The following SS18L1 variants were observed in gnomAD, a reference collection of about 807,000 sequenced individuals.
The protein encoded by SS18L1 is calcium-responsive transactivator.
In SS18L1, 32 loss-of-function variants were observed where a neutral mutation model predicts 70.3. That is an observed-to-expected ratio of 0.46 (90% CI 0.34 to 0.61). The LOEUF (loss-of-function observed/expected upper bound fraction) is 0.61, where lower values mean the gene tolerates loss of function less well. Among genes scored for constraint, SS18L1 ranks in the 20% least tolerant of loss-of-function variants. The pLI is 0.01. For missense variants in SS18L1, 430 were observed against 542.1 expected (o/e 0.79, Z 2.05); for synonymous variants, 237 against 229.7 (o/e 1.03, Z -0.29).
At chr20:62,144,383 C>T (rs1324332717) in intron 1 of SS18L1, among the ~76,000 whole-genome samples, 2 of 152,208 alleles carry the variant, frequency 1.3e-5, no homozygotes, top group Non-Finnish European at 2.9e-5. Flanking sequence ...CCGGGTCGGC[C>T]TCCGGGCGCA....
At chr20:62,155,520 C>T (rs1039810150) in intron 1 of SS18L1, among the ~76,000 whole-genome samples, 1 of 152,292 alleles carries the variant, frequency 6.6e-6, no homozygotes, top group East Asian at 1.9e-4. Flanking sequence ...AGGTGGGGGC[C>T]GCACCGCTGT....
chr20:62,146,700 C>G (rs887078239), intron 1 of SS18L1, among the ~76,000 whole-genome samples: 1 of 150,978 alleles, frequency 6.6e-6, no homozygotes, highest in African/African-American at 2.4e-5. Flanking sequence ...CTCCGCGCCC[C>G]CGCCCACGTT....
In SS18L1 at chr20:62,159,166, T is replaced by A. The variant is rs1387262035; in HGVS notation, c.146+418T>A. On this transcript the variant is annotated intron_variant, in intron 2 of 10. Transcript: ENST00000331758. The surrounding 1 kb of genome is among the most constrained non-coding windows in gnomAD (Gnocchi z 4.4). ...GTGTGGGGAGGCCTGGGCCAGCCTC[T>A]CTGGGCAGCTCTGTGGCCAACAGCC... Among the ~76,000 whole-genome samples, 1 of 152,174 alleles carries A rather than the reference T, an allele frequency of 6.6e-6. No homozygotes were observed. Among genetic ancestry groups the A allele is most frequent in the East Asian group, 1.9e-4 (1 of 5,188 alleles).
intron 7 of SS18L1, 21 bp from the exon 8 acceptor site, chr20:62,165,401 C>T (rs1004336740): frequency 8.7e-6 from 14 of 1,603,314 alleles, no homozygotes; most frequent in African/African-American, 2.7e-5. Context: ...CGCTGACTGT[C>T]GCCGTCTCCG....
chr20:62,148,829 G>A (rs1043592195), intron 1 of SS18L1, among the ~76,000 whole-genome samples: 5 of 152,234 alleles, frequency 3.3e-5, no homozygotes, highest in East Asian at 3.8e-4. Flanking sequence ...CAGCCTGGAG[G>A]GTGAGGACGC....
chr20:62,178,578 C>T (rs2057661375), intron 10 of SS18L1, among the ~76,000 whole-genome samples: 1 of 152,132 alleles, frequency 6.6e-6, no homozygotes, highest in Admixed American at 6.6e-5. Flanking sequence ...GTTTTTGAAA[C>T]AGGGTCTCAC....
chr20:62,161,589 G>C lies in SS18L1; in HGVS notation c.376+9G>C, dbSNP rs760556483. 3.8e-6 allele frequency: 6 copies of C among 1,599,104 alleles called. No individual in the cohort carries two copies. Among genetic ancestry groups the C allele is most frequent in the Non-Finnish European group, 5.1e-6 (6 of 1,168,888 alleles). ...GGGCCAGATTGGCAACGGTGAGTGCGGCGGGGGAGGAGGACGTTCCTGGCT... is the reference window on the plus strand; with the variant it reads ...GGGCCAGATTGGCAACGGTGAGTGCCGCGGGGGAGGAGGACGTTCCTGGCT... On this transcript the variant is annotated intron_variant, in intron 4 of 10. Transcript: ENST00000331758. The surrounding 1 kb of genome is among the most constrained non-coding windows in gnomAD (Gnocchi z 4.4).
At position 62,161,451 on chromosome 20, in the gene SS18L1, A is replaced by G. The variant is rs751255404; in HGVS notation, c.247A>G (p.Met83Val). Residue 83 changes from methionine to valine, a missense_variant, in exon 4 of 11, where the codon ATG (methionine) becomes GTG (valine). By Grantham distance (21) the Met-to-Val change is conservative (BLOSUM62 1). Transcript: ENST00000331758. This position sits in a 1 kb window ranked among gnomAD's most constrained non-coding sequence, Gnocchi z 4.4. The part of the protein sequence containing the change: ...SLLPAPPTQN[M>V]NLGPGALTQS... ...TTGCCTGCAGCCGCCCACGCAGAAC[A>G]TGAACCTGGGCCCTGGAGCCCTGAC... is the stretch of plus-strand genomic sequence containing the variant. 7.4e-6 allele frequency: 12 copies of G among 1,612,802 alleles called. No homozygotes were observed. The East Asian group carries it at 8.9e-5, about 12-fold the overall frequency.
intron 1 of SS18L1, among the ~76,000 whole-genome samples, chr20:62,147,975 C>T (rs1463548812): frequency 4.6e-5 from 7 of 152,302 alleles, no homozygotes; most frequent in African/African-American, 1.2e-4. Flanking sequence ...TCTGAAGGAA[C>T]GCAAGCTAAT....
At chr20:62,165,063 G>A (rs760382444) in intron 7 of SS18L1, among the ~76,000 whole-genome samples, 6 of 152,204 alleles carry the variant, frequency 3.9e-5, no homozygotes, top group Admixed American at 3.3e-4. Flanking sequence ...CACATGCAGC[G>A]AAGGCCTCGG....
At chr20:62,166,937 AAAG>A (rs2057442605) in intron 8 of SS18L1, among the ~76,000 whole-genome samples, 1 of 151,582 alleles carries the variant, frequency 6.6e-6, no homozygotes, top group Non-Finnish European at 1.5e-5. Flanking sequence ...AAAAAAATAA[AAAG>A]AAATAAAAAA....
At chr20:62,146,406 G>A (rs2057026661) in intron 1 of SS18L1, among the ~76,000 whole-genome samples, 1 of 152,118 alleles carries the variant, frequency 6.6e-6, no homozygotes. Context: ...AGATGCGTTC[G>A]TGTCCTGTGA....
Position 62,159,763 on chromosome 20 carries a change from A to G in SS18L1, c.147-114A>G, listed in dbSNP as rs1269767581. ...GGTGTCATCTGGGGTCCATGTCCTCATGGGGTTTGGCTGGATGTCAGGCTG... is the reference window on the plus strand; with the variant it reads ...GGTGTCATCTGGGGTCCATGTCCTCGTGGGGTTTGGCTGGATGTCAGGCTG... On this transcript the variant is annotated intron_variant, in intron 2 of 10. Coordinates refer to ENST00000331758, the MANE Select transcript of SS18L1 (RefSeq NM_198935.3). The surrounding 1 kb of genome is among the most constrained non-coding windows in gnomAD (Gnocchi z 4.4). 4.0e-6 allele frequency: 4 copies of G among 1,010,892 alleles called. No homozygotes were observed. The highest frequency in any genetic ancestry group is 4.3e-6 in the Non-Finnish European group (3 of 690,352). The allele number at this position is 1,010,892 out of a possible 1,614,324, so 62.6% of individuals were successfully genotyped here. A position where few individuals can be genotyped will look rare whatever the true frequency, so the allele number is the denominator to read the frequency against.
intron 1 of SS18L1, among the ~76,000 whole-genome samples, chr20:62,154,005 C>G (rs1206783223): frequency 6.6e-6 from 1 of 152,268 alleles, no homozygotes; most frequent in East Asian, 1.9e-4. Flanking sequence ...TATTCTTGCC[C>G]TGACAATTTG....
In SS18L1 at chr20:62,181,249, G is replaced by A. The variant is rs1336800028; in HGVS notation, c.*2041G>A. The A allele has an allele frequency of 9.7e-6, 2 of 205,368 alleles. No individual in the cohort carries two copies. The highest frequency in any genetic ancestry group is 2.3e-5 in the African/African-American group (1 of 43,802). 12.7% of individuals were successfully genotyped at this position (205,368 alleles called of 1,614,324 possible). ...AAAATAAACGTATGTGTTCATATTC[G>A]ATCACCGAAATGAGAGTTCTTAATT... On this transcript the variant is annotated 3_prime_UTR_variant, in exon 11 of 11. Coordinates refer to ENST00000331758, the MANE Select transcript of SS18L1 (RefSeq NM_198935.3).
At chr20:62,164,357 T>A in intron 7 of SS18L1, 111 bp downstream of exon 7, 1 of 1,133,064 alleles carries the variant, frequency 8.8e-7, no homozygotes, top group Non-Finnish European at 1.2e-6. Flanking sequence ...CCTCAGTCAT[T>A]CCAGCTCAGG....
intron 1 of SS18L1, among the ~76,000 whole-genome samples, chr20:62,157,912 G>A (rs150645615): frequency 2.0e-5 from 3 of 151,804 alleles, no homozygotes; most frequent in African/African-American, 4.8e-5. Context: ...CGGTGGTGCC[G>A]TCCCTGACCC....
At position 62,163,648 on chromosome 20, in the gene SS18L1, G is replaced by A. The variant is rs200317504; in HGVS notation, c.721+26G>A. ...GTAACGCCCGGCCGGGCCAGGTCGCGGGCACAGCTGACCGCCGCGGGTCGT... is the reference window on the plus strand; with the variant it reads ...GTAACGCCCGGCCGGGCCAGGTCGCAGGCACAGCTGACCGCCGCGGGTCGT... On this transcript the variant is annotated intron_variant, in intron 6 of 10. Coordinates refer to ENST00000331758, the MANE Select transcript of SS18L1 (RefSeq NM_198935.3). 22 of 1,531,094 alleles carry A rather than the reference G, an allele frequency of 1.4e-5. No individual in the cohort carries two copies. In the East Asian group the frequency reaches 2.1e-4, roughly 14 times the overall value. 94.8% of individuals were successfully genotyped at this position (1,531,094 alleles called of 1,614,324 possible). A position where few individuals can be genotyped will look rare whatever the true frequency, so the allele number is the denominator to read the frequency against.
chr20:62,164,333 C>T, intron 7 of SS18L1, 87 bp downstream of exon 7: 3 of 1,295,492 alleles, frequency 2.3e-6, no homozygotes, highest in Non-Finnish European at 2.1e-6. Context: ...GAGGGTGTGG[C>T]CACTGCAGTG....
Sources: gnomAD v4.1 joint callset for allele counts (sites outside exome capture counted in the v4.1 genomes callset) on GRCh38, gnomAD v4.1.1 for gene constraint, Gnocchi (gnomAD v3.1) non-coding constraint, MANE v1.5 for transcripts, NCBI Gene and HGNC (gene_info 2026-07-23, HGNC 2026-07-21) for gene names.